The following FEM1C variants were observed in gnomAD, a reference collection of about 807,000 sequenced individuals.
FEM1C encodes fem-1 homolog C.
FEM1C carries 15 observed loss-of-function variants against 37.6 expected under a neutral mutation model. The ratio of observed to expected loss-of-function variants is 0.40; its 90% CI spans 0.27 to 0.61. The LOEUF (loss-of-function observed/expected upper bound fraction) is 0.61, where lower values mean the gene tolerates loss of function less well. FEM1C is among the 20% of genes least tolerant of loss of function. The pLI is 0.42. For missense variants in FEM1C, 532 were observed against 749.7 expected (o/e 0.71, Z 3.39); for synonymous variants, 287 against 272.8 (o/e 1.05, Z -0.51).
At position 115,543,402 on chromosome 5, in the gene FEM1C, ACCT is replaced by A; in HGVS notation, c.89_91del (p.Glu30del). 1 of 1,613,916 alleles carries A rather than the reference ACCT, an allele frequency of 6.2e-7. No individual in the cohort carries two copies. The highest frequency in any genetic ancestry group is 8.5e-7 in the Non-Finnish European group (1 of 1,179,970). ...TGTTTTTTCAGAGATCAAGGAGGAA[ACCT>A]CCTCTTTGGATTTGCTTGCCAACAA... On this transcript the variant is annotated inframe_deletion, in exon 2 of 3. Transcript: ENST00000274457.
chr5:115,528,098 C>G (rs1753940740), intron 2 of FEM1C, among the ~76,000 whole-genome samples: 1 of 150,994 alleles, frequency 6.6e-6, no homozygotes, highest in South Asian at 2.1e-4. Context: ...TTGAATACAC[C>G]CACATACCAG....
rs1754321060 is a variant in FEM1C at position 115,544,683 on chromosome 5, G to T, written c.-351C>A. 6.5e-6 allele frequency: 1 copy of T among 153,390 alleles called. No individual in the cohort carries two copies. The highest frequency in any genetic ancestry group is 2.0e-4 in the South Asian group (1 of 4,902). 9.5% of individuals were successfully genotyped at this position (153,390 alleles called of 1,614,324 possible). A position where few individuals can be genotyped will look rare whatever the true frequency, so the allele number is the denominator to read the frequency against. ...GCGCCCCAAAGGAATGAATCCGGCC[G>T]CGCTGTTCGCCACGCCCCGCCACCC... On this transcript the variant is annotated 5_prime_UTR_variant, in exon 1 of 3. Transcript: ENST00000274457.
intron 2 of FEM1C, among the ~76,000 whole-genome samples, chr5:115,538,032 C>A (rs1000053329): frequency 6.6e-6 from 1 of 151,914 alleles, no homozygotes; most frequent in Non-Finnish European, 1.5e-5. Flanking sequence ...TCTAAATGCC[C>A]ATTCTATGAG....
rs935331408 is a variant in FEM1C, at chr5:115,521,767, A to G, written c.*2541T>C. The G allele has an allele frequency of 1.3e-5, 2 of 151,842 alleles. No individual in the cohort carries two copies. Among genetic ancestry groups the G allele is most frequent in the African/African-American group, 4.8e-5 (2 of 41,396 alleles). The allele number at this position is 151,842 out of a possible 1,614,324, so 9.4% of individuals were successfully genotyped here. On this transcript the variant is annotated 3_prime_UTR_variant, in exon 3 of 3. Transcript: ENST00000274457. Reference sequence around the variant, plus strand: ...AAAATAACACAAATTTAAGTATTTTATTATAATCCATCTCATAATTGTGAG... The same window carrying G: ...AAAATAACACAAATTTAAGTATTTTGTTATAATCCATCTCATAATTGTGAG...
Position 115,525,632 on chromosome 5 carries a change from G to C in FEM1C, c.545-15C>G. On this transcript the variant is annotated splice_polypyrimidine_tract_variant and intron_variant, in intron 2 of 2. Transcript: ENST00000274457. The stretch of plus-strand genomic sequence containing the variant: ...TGCAGTATTACCTTAAAGAGAGAGA[G>C]AAAAAAAGAAATAACATACATTGAG... 1 of 1,575,720 alleles carries C rather than the reference G, an allele frequency of 6.3e-7. No homozygotes were observed. Among genetic ancestry groups the C allele is most frequent in the Non-Finnish European group, 8.6e-7 (1 of 1,161,144 alleles).
Position 115,542,980 on chromosome 5 carries a change from C to A in FEM1C, c.514G>T (p.Gly172Trp), listed in dbSNP as rs1327181070. ...ACACTTTTTCTATTAACATCTGCCC[C>A]CTTTTCAAGTAAATACTGAGCAATC... is the stretch of plus-strand genomic sequence containing the variant. Reference protein sequence around the residue: ...KEIAQYLLEKGADVNRKSVKG... With the variant: ...KEIAQYLLEKWADVNRKSVKG... The change falls in exon 2 of 3, where the codon GGG (glycine) becomes TGG (tryptophan). Residue 172 changes from glycine (G) to tryptophan (W), a missense_variant. Physicochemically the swap from Gly to Trp is radical, Grantham distance 184. Coordinates refer to ENST00000274457, the MANE Select transcript of FEM1C (RefSeq NM_020177.3). 2 of 1,613,712 alleles carry A rather than the reference C, an allele frequency of 1.2e-6. No homozygotes were observed. The highest frequency in any genetic ancestry group is 2.2e-5 in the South Asian group (2 of 91,062).
At position 115,524,892 on chromosome 5, in the gene FEM1C, G is replaced by A; in HGVS notation, c.1270C>T (p.Arg424Ter). The A allele has an allele frequency of 1.2e-6, 2 of 1,613,694 alleles. No individual in the cohort carries two copies. Among genetic ancestry groups the A allele is most frequent in the Non-Finnish European group, 1.7e-6 (2 of 1,179,812 alleles). Reference protein sequence around the residue: ...ILCKSVLEIERAIKQTQCPAD... With the variant: ...ILCKSVLEIE The stretch of plus-strand genomic sequence containing the variant: ...GGACACTGAGTTTGTTTGATAGCTC[G>A]CTCTATTTCAAGGACGCTTTTGCAA... Residue 424 changes from arginine (R) to a stop codon, truncating the protein, a stop_gained, in exon 3 of 3, where the codon CGA (arginine) becomes TGA (stop). Coordinates refer to ENST00000274457, the MANE Select transcript of FEM1C (RefSeq NM_020177.3). LOFTEE classifies it high-confidence loss of function.
intron 2 of FEM1C, among the ~76,000 whole-genome samples, chr5:115,540,591 T>C (rs1260968494): frequency 1.3e-5 from 2 of 152,074 alleles, no homozygotes; most frequent in African/African-American, 2.4e-5. Context: ...AAAGGGAACA[T>C]TGTTTTGAAA....
chr5:115,541,694 T>C (rs935243158), intron 2 of FEM1C, among the ~76,000 whole-genome samples: 4 of 152,150 alleles, frequency 2.6e-5, no homozygotes, highest in Non-Finnish European at 5.9e-5. Flanking sequence ...TGTACATTCA[T>C]ACAATGAAAT....
chr5:115,540,809 A>G (rs1347599858), intron 2 of FEM1C, among the ~76,000 whole-genome samples: 1 of 152,262 alleles, frequency 6.6e-6, no homozygotes, highest in Admixed American at 6.5e-5. Context: ...TGACTTAAAT[A>G]TGAGTTTATC....
At chr5:115,543,791 G>T in intron 1 of FEM1C, 108 bp from the exon 2 acceptor site, 1 of 1,147,428 alleles carries the variant, frequency 8.7e-7, no homozygotes, top group Non-Finnish European at 1.1e-6. Context: ...CTATACTTCA[G>T]GCACTACTCC....
intron 2 of FEM1C, among the ~76,000 whole-genome samples, chr5:115,528,722 G>A (rs1018884998): frequency 5.9e-5 from 9 of 152,024 alleles, no homozygotes; most frequent in South Asian, 4.1e-4. Flanking sequence ...AAAAGAAAAT[G>A]AGGAACCATA....
At chr5:115,526,492 A>G (rs1323332361) in intron 2 of FEM1C, among the ~76,000 whole-genome samples, 3 of 152,200 alleles carry the variant, frequency 2.0e-5, no homozygotes, top group Admixed American at 6.5e-5. Flanking sequence ...CCACACACAG[A>G]TTAAAACTGA....
chr5:115,526,936 G>C (rs1049832111), intron 2 of FEM1C, among the ~76,000 whole-genome samples: 1 of 152,122 alleles, frequency 6.6e-6, no homozygotes, highest in African/African-American at 2.4e-5. Context: ...GCTAGGCACA[G>C]GGTACCTACA....
At chr5:115,534,447 G>A (rs958939265) in intron 2 of FEM1C, among the ~76,000 whole-genome samples, 1 of 151,772 alleles carries the variant, frequency 6.6e-6, no homozygotes, top group Non-Finnish European at 1.5e-5. Context: ...AGAATTATCT[G>A]GGTCCAAACC....
rs1384864743 is a variant in FEM1C at position 115,523,085 on chromosome 5, G to T, written c.*1223C>A. 6.6e-6 allele frequency: 1 copy of T among 152,204 alleles called. No homozygotes were observed. The highest frequency in any genetic ancestry group is 1.5e-5 in the Non-Finnish European group (1 of 67,898). The allele number at this position is 152,204 out of a possible 1,614,324, so 9.4% of individuals were successfully genotyped here. A position where few individuals can be genotyped will look rare whatever the true frequency, so the allele number is the denominator to read the frequency against. On this transcript the variant is annotated 3_prime_UTR_variant, in exon 3 of 3. Coordinates refer to ENST00000274457, the MANE Select transcript of FEM1C (RefSeq NM_020177.3). Reference sequence around the variant, plus strand: ...TGTTTAACTGGGGTGACAAATAATTGAGACCAAAGTAATCAAAGTAATTCA... The same window carrying T: ...TGTTTAACTGGGGTGACAAATAATTTAGACCAAAGTAATCAAAGTAATTCA...
intron 2 of FEM1C, among the ~76,000 whole-genome samples, chr5:115,532,235 T>C (rs1754031368): frequency 6.6e-6 from 1 of 152,136 alleles, no homozygotes; most frequent in Admixed American, 6.5e-5. Context: ...AAATAAGTTC[T>C]TACCTAAACA....
chr5:115,522,683 T>C lies in FEM1C; in HGVS notation c.*1625A>G, dbSNP rs1580375267. 1 of 152,330 alleles carries C rather than the reference T, an allele frequency of 6.6e-6. No homozygotes were observed. Among genetic ancestry groups the C allele is most frequent in the Non-Finnish European group, 1.5e-5 (1 of 67,872 alleles). The allele number at this position is 152,330 out of a possible 1,614,324, so 9.4% of individuals were successfully genotyped here. On this transcript the variant is annotated 3_prime_UTR_variant, in exon 3 of 3. Coordinates refer to ENST00000274457, the MANE Select transcript of FEM1C (RefSeq NM_020177.3). ...TGTAACATCAACCCTCAGAATAAAA[T>C]GTCAACACAAAAATCCAAGTGAGTG...
At position 115,543,433 on chromosome 5, in the gene FEM1C, T is replaced by G. The variant is rs571623496; in HGVS notation, c.61A>C (p.Lys21Gln). The G allele has an allele frequency of 3.2e-5, 51 of 1,614,124 alleles. 2 individuals are homozygous for G. The South Asian group carries it at 5.3e-4, about 17-fold the overall frequency. ...ARDGKLRLLT[K>Q]LLASKSKEEV... ...TCTTTGGATTTGCTTGCCAACAATT[T>G]GGTGAGAAGCCGGAGTTTGCCATCC... Residue 21 changes from lysine (K) to glutamine (Q), a missense_variant, in exon 2 of 3, where the codon AAA (lysine) becomes CAA (glutamine). Transcript: ENST00000274457.
Sources: gnomAD v4.1 joint callset for allele counts (sites outside exome capture counted in the v4.1 genomes callset) on GRCh38, gnomAD v4.1.1 for gene constraint, MANE v1.5 for transcripts, NCBI Gene and HGNC (gene_info 2026-07-23, HGNC 2026-07-21) for gene names.